FBN1: variants seen among roughly 807,000 people sequenced by gnomAD.
FBN1 encodes fibrillin-1.
Under a neutral mutation model 365.1 loss-of-function variants are expected in FBN1, and 29 were observed. The ratio of observed to expected loss-of-function variants is 0.08; its 90% CI spans 0.06 to 0.11. FBN1 has a LOEUF of 0.11. FBN1 is among the 10% of genes least tolerant of loss of function. FBN1 has a pLI of 1.00. For synonymous variants in FBN1, 1,210 were observed against 1,270.5 expected, an observed-to-expected ratio of 0.95 and a Z score of 1.01; for missense variants, 2,476 against 3,703.2, an observed-to-expected ratio of 0.67 and a Z score of 8.60.
chr15:48,522,010 C>T (rs1344415696), intron 9 of FBN1, among the ~76,000 whole-genome samples: 1 of 152,148 alleles, frequency 6.6e-6, no homozygotes, highest in Non-Finnish European at 1.5e-5. Context: ...CTGCCTGAGC[C>T]CTGCCTCTGT....
Position 48,412,573 on chromosome 15 carries a change from A to G in FBN1, c.8222T>C (p.Ile2741Thr), listed in dbSNP as rs1409931715. The change falls in exon 65 of 66, where the codon ATC becomes ACC. Residue 2741 changes from isoleucine to threonine, a missense_variant. By Grantham distance (89) the Ile-to-Thr change is moderately conservative. Transcript: ENST00000316623. ...AGAAACTAACTTCTGACCCACCTCG[A>G]TATTGGAGGCATCAGTTTCGTTTGT... ...RSTNETDASN[I>T]EDQSETEANV... 4 of 1,613,910 alleles carry G rather than the reference A, an allele frequency of 2.5e-6. No homozygotes were observed. Among genetic ancestry groups the G allele is most frequent in the Non-Finnish European group, 3.4e-6 (4 of 1,179,892 alleles).
intron 2 of FBN1, among the ~76,000 whole-genome samples, chr15:48,615,943 C>CAG (rs1352854846): frequency 6.6e-6 from 1 of 152,168 alleles, no homozygotes; most frequent in Admixed American, 6.5e-5. Context: ...CCCGGGGAAG[C>CAG]AGAGAGAGAG....
intron 44 of FBN1, among the ~76,000 whole-genome samples, chr15:48,454,191 G>T (rs1363908701): frequency 6.6e-6 from 1 of 152,186 alleles, no homozygotes; most frequent in Admixed American, 6.5e-5. Context: ...TGGCCTGAGA[G>T]TCTGAATTTC....
chr15:48,523,808 G>C (rs1342045076), intron 9 of FBN1, among the ~76,000 whole-genome samples: 1 of 151,878 alleles, frequency 6.6e-6, no homozygotes, highest in Non-Finnish European at 1.5e-5. Context: ...TCAAGCTAAG[G>C]GGACATAAAG....
rs755566692 is a variant in FBN1 at position 48,425,878 on chromosome 15, A to C, written c.7205-14T>G. The stretch of plus-strand genomic sequence containing the variant: ...ATTCATCGATATCTGTAATTTAACA[A>C]ATATAAATTAAGAAATATATCATAA... On this transcript the variant is annotated splice_polypyrimidine_tract_variant and intron_variant, in intron 58 of 65. Transcript: ENST00000316623. The C allele has an allele frequency of 6.3e-7, 1 of 1,586,200 alleles. No homozygotes were observed. The highest frequency in any genetic ancestry group is 8.7e-7 in the Non-Finnish European group (1 of 1,155,420).
chr15:48,520,850 A>G (rs775427281), intron 9 of FBN1, 33 bp from the exon 10 acceptor site: 4 of 1,613,356 alleles, frequency 2.5e-6, no homozygotes, highest in Non-Finnish European at 3.4e-6. Context: ...ACACACACAC[A>G]TCGCTGAGAT....
chr15:48,570,449 T>C (rs774489155), intron 6 of FBN1, among the ~76,000 whole-genome samples: 4 of 151,082 alleles, frequency 2.6e-5, no homozygotes, highest in Non-Finnish European at 4.4e-5. Flanking sequence ...CCTCTGCTAC[T>C]GTAAATGTTG....
Position 48,485,543 on chromosome 15 carries a change from C to T in FBN1, c.3590-47G>A, listed in dbSNP as rs771947224. On this transcript the variant is annotated intron_variant, in intron 29 of 65. Coordinates refer to ENST00000316623, the MANE Select transcript of FBN1 (RefSeq NM_000138.5). ...TCACCTTCTGATATGGTTTGGATGT[C>T]TGTCCCCTCCAATACTCGTGTTGAA... The T allele has an allele frequency of 4.4e-6, 7 of 1,605,390 alleles. No individual in the cohort carries two copies. The East Asian group carries it at 1.1e-4, about 26-fold the overall frequency.
intron 6 of FBN1, among the ~76,000 whole-genome samples, chr15:48,554,446 T>C (rs2044164784): frequency 1.3e-5 from 2 of 152,314 alleles, no homozygotes; most frequent in South Asian, 2.1e-4. Context: ...ATGAAAATTA[T>C]CCCAATTTTG....
chr15:48,641,779 A>G (rs912371230), intron 2 of FBN1: 7 of 152,246 alleles, frequency 4.6e-5, no homozygotes, highest in East Asian at 1.9e-4. Context: ...AATGTAGTAC[A>G]TAACTGCTTT....
At chr15:48,640,441 A>G (rs1890178341) in intron 2 of FBN1, among the ~76,000 whole-genome samples, 1 of 152,186 alleles carries the variant, frequency 6.6e-6, no homozygotes, top group Non-Finnish European at 1.5e-5. Flanking sequence ...GTGAAGTCTT[A>G]AAGTCCCCTT....
intron 6 of FBN1, among the ~76,000 whole-genome samples, chr15:48,559,774 T>G (rs1036182420): frequency 6.6e-6 from 1 of 152,084 alleles, no homozygotes; most frequent in Non-Finnish European, 1.5e-5. Flanking sequence ...TAGAGGAAAG[T>G]TTTCATATCT....
chr15:48,434,836 CA>C (rs1380326422), intron 53 of FBN1, 123 bp from the exon 54 acceptor site: 2 of 1,192,818 alleles, frequency 1.7e-6, no homozygotes, highest in African/African-American at 1.5e-5. Context: ...CTCACTTTGA[CA>C]TCCAGACTGC....
At chr15:48,474,912 G>A (rs547555007) in intron 32 of FBN1, among the ~76,000 whole-genome samples, 5 of 152,200 alleles carry the variant, frequency 3.3e-5, no homozygotes, top group South Asian at 4.1e-4. Context: ...ACTGCAAAGT[G>A]ACTTTTTACA....
chr15:48,509,077 C>T lies in FBN1; in HGVS notation c.1715-373G>A, dbSNP rs532095627. Among the ~76,000 whole-genome samples the T allele has an allele frequency of 9.9e-5, 15 of 152,228 alleles. No individual in the cohort carries two copies. In the South Asian group the frequency reaches 3.1e-3, roughly 32 times the overall value. On this transcript the variant is annotated intron_variant, in intron 14 of 65. Transcript: ENST00000316623. ...ACAGATTCATATTACTTCTAATGCTCTGAATATGAACATAAGTCAAAACTA... is the reference window on the plus strand; with the variant it reads ...ACAGATTCATATTACTTCTAATGCTTTGAATATGAACATAAGTCAAAACTA...
intron 2 of FBN1, among the ~76,000 whole-genome samples, chr15:48,617,764 TA>T (rs1406614506): frequency 1.3e-5 from 2 of 152,202 alleles, no homozygotes; most frequent in East Asian, 3.9e-4. Flanking sequence ...AGCTGGCCTC[TA>T]CCACGTCTGA....
rs569667869 is a variant in FBN1 at position 48,574,763 on chromosome 15, T to C, written c.538+21520A>G. Among the ~76,000 whole-genome samples, 9 of 152,292 alleles carry C rather than the reference T, an allele frequency of 5.9e-5. No homozygotes were observed. In the East Asian group the frequency reaches 7.7e-4, roughly 13 times the overall value. ...GATCAAGAGTATGCAGTGGCTTCCA[T>C]GTGACATCAGATCAGGACAATCAGG... is the stretch of plus-strand genomic sequence containing the variant. On this transcript the variant is annotated intron_variant, in intron 6 of 65. Coordinates refer to ENST00000316623, the MANE Select transcript of FBN1 (RefSeq NM_000138.5).
chr15:48,572,178 T>A (rs927211379), intron 6 of FBN1, among the ~76,000 whole-genome samples: 1 of 152,178 alleles, frequency 6.6e-6, no homozygotes, highest in East Asian at 1.9e-4. Flanking sequence ...TTATCTATTA[T>A]GAATATGGAT....
At chr15:48,413,335 C>T (rs189785734) in intron 64 of FBN1, among the ~76,000 whole-genome samples, 18 of 152,242 alleles carry the variant, frequency 1.2e-4, no homozygotes, top group East Asian at 9.6e-4. Context: ...GAAGATATGC[C>T]GTATATAAAA....
Sources: allele counts gnomAD v4.1 joint callset (sites outside exome capture counted in the v4.1 genomes callset), GRCh38; gene constraint gnomAD v4.1.1; transcripts MANE v1.5; gene names NCBI Gene and HGNC (gene_info 2026-07-23, HGNC 2026-07-21).